Variants in ROR1 observed in about 807,000 individuals in gnomAD.
The protein encoded by ROR1 is inactive tyrosine-protein kinase transmembrane receptor ROR1.
In ROR1, 19 loss-of-function variants were observed where a neutral mutation model predicts 78.8. The ratio of observed to expected loss-of-function variants is 0.24; its 90% confidence interval spans 0.17 to 0.35. The LOEUF (loss-of-function observed/expected upper bound fraction) is 0.35. ROR1 is among the 10% of genes least tolerant of loss of function. ROR1 has a pLI of 1.00. For missense variants in ROR1, 917 were observed against 1,177.8 expected (o/e 0.78, Z 3.24); for synonymous variants, 386 against 433.6 (o/e 0.89, Z 1.36).
chr1:63,882,554 C>A (rs1448474933), intron 1 of ROR1, among the ~76,000 whole-genome samples: 1 of 152,184 alleles, frequency 6.6e-6, no homozygotes, highest in Non-Finnish European at 1.5e-5. Context: ...AATTCCAAAC[C>A]AGAGGATATT....
At chr1:63,775,168 T>C (rs1018964223) in intron 1 of ROR1, 23 of 151,934 alleles carry the variant, frequency 1.5e-4, no homozygotes, top group African/African-American at 4.6e-4. Flanking sequence ...GTGCTTTGGG[T>C]GTGCACGCGC....
chr1:63,888,351 A>T (rs1557545313), intron 1 of ROR1, among the ~76,000 whole-genome samples: 1 of 152,138 alleles, frequency 6.6e-6, no homozygotes, highest in Non-Finnish European at 1.5e-5. Context: ...ACGGTGGTTC[A>T]TACCTGTAAT....
At chr1:64,049,507 A>G (rs557893962) in intron 2 of ROR1, among the ~76,000 whole-genome samples, 184 bp from the exon 3 acceptor site, 5 of 152,128 alleles carry the variant, frequency 3.3e-5, no homozygotes, top group East Asian at 1.9e-4. Context: ...AGCAGGCTCT[A>G]TGGGTGGTTA....
At position 64,142,395 on chromosome 1, in the gene ROR1, T is replaced by C; in HGVS notation, c.929-10T>C. ...CTTTCTAATTGTTTGGGTTTTTGTG[T>C]GTTTTTCAGATCACAAGTGTTATAA... On this transcript the variant is annotated splice_polypyrimidine_tract_variant and intron_variant, in intron 6 of 8. Transcript: ENST00000371079. 1 of 1,613,386 alleles carries C rather than the reference T, an allele frequency of 6.2e-7. No homozygotes were observed. The highest frequency in any genetic ancestry group is 8.5e-7 in the Non-Finnish European group (1 of 1,179,570).
intron 1 of ROR1, among the ~76,000 whole-genome samples, chr1:63,817,101 A>G (rs1022544031): frequency 7.9e-5 from 12 of 152,232 alleles, no homozygotes; most frequent in African/African-American, 2.9e-4. Flanking sequence ...GATGCCTTCT[A>G]AATATGTATT....
At chr1:63,964,531 A>G (rs1178280553) in intron 1 of ROR1, among the ~76,000 whole-genome samples, 1 of 152,202 alleles carries the variant, frequency 6.6e-6, no homozygotes, top group Non-Finnish European at 1.5e-5. Flanking sequence ...AGTAGTGAAA[A>G]CAAAAATAAA....
intron 1 of ROR1, among the ~76,000 whole-genome samples, chr1:63,903,602 C>T (rs968354895): frequency 6.6e-6 from 1 of 152,114 alleles, no homozygotes; most frequent in Non-Finnish European, 1.5e-5. Context: ...CCACCTCATT[C>T]CTGCTCACCC....
At chr1:63,785,497 TTTTATTTA>T (rs56141123) in intron 1 of ROR1, among the ~76,000 whole-genome samples, 52,218 of 147,516 alleles carry the variant, frequency 0.35, 12,806 homozygotes, top group African/African-American at 0.71. Context: ...TATATATATA[TTTTATTTA>T]TTTATTTATT....
intron 1 of ROR1, among the ~76,000 whole-genome samples, chr1:63,899,182 C>G (rs1038940023): frequency 6.6e-6 from 1 of 152,120 alleles, no homozygotes; most frequent in African/African-American, 2.4e-5. Flanking sequence ...ACTTTGCCTT[C>G]CTCATCAGTC....
intron 1 of ROR1, among the ~76,000 whole-genome samples, chr1:63,892,304 G>C (rs1645403999): frequency 6.6e-6 from 1 of 152,154 alleles, no homozygotes; most frequent in African/African-American, 2.4e-5. Context: ...GGGCAGAGGA[G>C]GCTCTGAAGG....
chr1:64,078,843 A>G (rs1378007252), intron 4 of ROR1, among the ~76,000 whole-genome samples: 1 of 152,140 alleles, frequency 6.6e-6, no homozygotes, highest in Non-Finnish European at 1.5e-5. Context: ...GAGGTGACAG[A>G]GTATTATAGA....
intron 1 of ROR1, among the ~76,000 whole-genome samples, chr1:63,846,592 C>T (rs1306200629): frequency 1.3e-5 from 2 of 152,110 alleles, no homozygotes; most frequent in African/African-American, 4.8e-5. Flanking sequence ...AAGAAAGAGC[C>T]ACTGAGATTA....
At chr1:63,945,246 C>T (rs1306693930) in intron 1 of ROR1, among the ~76,000 whole-genome samples, 1 of 152,038 alleles carries the variant, frequency 6.6e-6, no homozygotes, top group Non-Finnish European at 1.5e-5. Context: ...GACTGTTAAA[C>T]TAAAAAAGAT....
intron 4 of ROR1, among the ~76,000 whole-genome samples, chr1:64,056,042 A>G (rs1316203448): frequency 6.6e-6 from 1 of 152,242 alleles, no homozygotes; most frequent in Non-Finnish European, 1.5e-5. Context: ...ATAACAGTCC[A>G]TGCATGGCTA....
At chr1:63,884,372 G>A (rs943558500) in intron 1 of ROR1, among the ~76,000 whole-genome samples, 11 of 152,304 alleles carry the variant, frequency 7.2e-5, no homozygotes, top group South Asian at 6.2e-4. Flanking sequence ...CCAGTTTGCT[G>A]TAGTCTCTTC....
chr1:64,030,624 A>C (rs1224708059), intron 2 of ROR1, among the ~76,000 whole-genome samples: 2 of 152,160 alleles, frequency 1.3e-5, no homozygotes, highest in East Asian at 3.9e-4. Flanking sequence ...ACCAGTTTTC[A>C]GGAATGCTAT....
At chr1:63,897,889 C>T (rs1645452758) in intron 1 of ROR1, among the ~76,000 whole-genome samples, 2 of 152,210 alleles carry the variant, frequency 1.3e-5, no homozygotes, top group African/African-American at 2.4e-5. Flanking sequence ...TCCATACAGT[C>T]ATTCAGGGAC....
intron 1 of ROR1, among the ~76,000 whole-genome samples, chr1:63,836,264 C>T (rs1471879875): frequency 6.6e-6 from 1 of 152,188 alleles, no homozygotes; most frequent in Non-Finnish European, 1.5e-5. Context: ...ATGATTCACA[C>T]TCATTGTAGT....
intron 1 of ROR1, among the ~76,000 whole-genome samples, chr1:63,907,211 A>C (rs1178273073): frequency 6.6e-6 from 1 of 152,140 alleles, no homozygotes; most frequent in Admixed American, 6.5e-5. Context: ...GGTTGTTATA[A>C]TATTTTGCCC....
Sources: gnomAD v4.1 joint callset for allele counts (sites outside exome capture counted in the v4.1 genomes callset) on GRCh38, gnomAD v4.1.1 for gene constraint, MANE v1.5 for transcripts, NCBI Gene and HGNC (gene_info 2026-07-23, HGNC 2026-07-21) for gene names.